Variants in GMDS observed in about 807,000 individuals in gnomAD.
The protein encoded by GMDS is GDP-mannose 4,6-dehydratase, also known as GDP-mannose 4,6 dehydratase.
Under a neutral mutation model 49.9 loss-of-function variants are expected in GMDS, and 20 were observed. The observed-to-expected ratio is 0.40, with a 90% confidence interval of 0.28 to 0.58. GMDS has a LOEUF of 0.58. GMDS is among the 20% of genes least tolerant of loss of function. GMDS has a pLI of 0.42. For missense variants in GMDS, 362 were observed against 481.4 expected (o/e 0.75, Z 2.32); for synonymous variants, 177 against 178.6 (o/e 0.99, Z 0.07).
rs535979485 is a variant in GMDS at position 1,784,817 on chromosome 6, C to G, written c.772-42231G>C. Among the ~76,000 whole-genome samples, 14 of 152,364 alleles carry G rather than the reference C, an allele frequency of 9.2e-5. 1 individual carries two copies. The South Asian group carries it at 2.7e-3, about 29-fold the overall frequency. On this transcript the variant is annotated intron_variant, in intron 7 of 10. Coordinates refer to ENST00000380815, the MANE Select transcript of GMDS (RefSeq NM_001500.4). Reference sequence around the variant, plus strand: ...TTCCTTTGCTTATGTGTAAAGTGCACTGATGTCATTCTCCAAGCTACAACT... The same window carrying G: ...TTCCTTTGCTTATGTGTAAAGTGCAGTGATGTCATTCTCCAAGCTACAACT...
intron 7 of GMDS, among the ~76,000 whole-genome samples, chr6:1,862,912 T>G (rs1758261104): frequency 6.6e-6 from 1 of 152,176 alleles, no homozygotes; most frequent in South Asian, 2.1e-4. Flanking sequence ...ACATACAACT[T>G]ATACAAAACA....
intron 4 of GMDS, among the ~76,000 whole-genome samples, chr6:2,067,274 G>C (rs1771667007): frequency 6.6e-6 from 1 of 152,082 alleles, no homozygotes; most frequent in African/African-American, 2.4e-5. Context: ...AGTATGTAGA[G>C]GGAAATTTAT....
intron 7 of GMDS, among the ~76,000 whole-genome samples, chr6:1,803,391 T>G (rs1770028529): frequency 6.6e-6 from 1 of 152,122 alleles, no homozygotes; most frequent in Non-Finnish European, 1.5e-5. Context: ...ACCACAATTT[T>G]TTTTTTCTTT....
At chr6:1,937,745 A>C (rs2127255275) in intron 6 of GMDS, among the ~76,000 whole-genome samples, 1 of 152,334 alleles carries the variant, frequency 6.6e-6, no homozygotes, top group African/African-American at 2.4e-5. Context: ...TGATCCCTTC[A>C]TCTCAAGATC....
In GMDS at chr6:1,640,580, G is replaced by C. The variant is rs934546012; in HGVS notation, c.988-16040C>G. Among the ~76,000 whole-genome samples, 1 of 152,170 alleles carries C rather than the reference G, an allele frequency of 6.6e-6. No homozygotes were observed. The highest frequency in any genetic ancestry group is 2.4e-5 in the African/African-American group (1 of 41,436). ...ATGTGGCTGTGCCTTCTAGGTGCCCGTTTTGGAGAGAATACATTTCTTATA... is the reference window on the plus strand; with the variant it reads ...ATGTGGCTGTGCCTTCTAGGTGCCCCTTTTGGAGAGAATACATTTCTTATA... On this transcript the variant is annotated intron_variant, in intron 9 of 10. Transcript: ENST00000380815. This position sits in a 1 kb window ranked among gnomAD's most constrained non-coding sequence, Gnocchi z 4.0.
intron 7 of GMDS, among the ~76,000 whole-genome samples, chr6:1,904,409 T>C (rs1482147862): frequency 6.6e-6 from 1 of 152,228 alleles, no homozygotes; most frequent in Non-Finnish European, 1.5e-5. Flanking sequence ...CCAGGAGGAC[T>C]GCCCCCTCCT....
intron 4 of GMDS, among the ~76,000 whole-genome samples, chr6:2,076,824 G>A (rs1468432717): frequency 6.6e-6 from 1 of 152,104 alleles, no homozygotes; most frequent in Non-Finnish European, 1.5e-5. Context: ...GAAAACCTAG[G>A]CAATACCATT....
At chr6:2,221,555 A>G (rs1339318561) in intron 1 of GMDS, among the ~76,000 whole-genome samples, 1 of 152,018 alleles carries the variant, frequency 6.6e-6, no homozygotes, top group Non-Finnish European at 1.5e-5. Context: ...CGACCGGCTA[A>G]TTTTTTGTAT....
At chr6:1,631,550 T>C (rs957834844) in intron 9 of GMDS, among the ~76,000 whole-genome samples, 2 of 152,148 alleles carry the variant, frequency 1.3e-5, no homozygotes, top group Non-Finnish European at 2.9e-5. Flanking sequence ...CAGTACAATG[T>C]AGATGGGGTT....
intron 1 of GMDS, among the ~76,000 whole-genome samples, chr6:2,153,127 G>T (rs940246036): frequency 1.3e-5 from 2 of 152,146 alleles, no homozygotes; most frequent in African/African-American, 2.4e-5. Flanking sequence ...AATAAATTAT[G>T]CTTGGAAACA....
chr6:1,832,470 T>C (rs1457347903), intron 7 of GMDS, among the ~76,000 whole-genome samples: 2 of 152,092 alleles, frequency 1.3e-5, no homozygotes, highest in East Asian at 3.9e-4. Context: ...ACTGGAGTGA[T>C]GGCTTTTATT....
chr6:1,893,627 T>C (rs1398543180), intron 7 of GMDS, among the ~76,000 whole-genome samples: 1 of 152,214 alleles, frequency 6.6e-6, no homozygotes, highest in Non-Finnish European at 1.5e-5. Flanking sequence ...GCTGAAGTCA[T>C]TTCCAGAGCT....
At chr6:1,716,888 C>T (rs1235540636) in intron 9 of GMDS, among the ~76,000 whole-genome samples, 1 of 152,238 alleles carries the variant, frequency 6.6e-6, no homozygotes, top group Non-Finnish European at 1.5e-5. Flanking sequence ...TCAAGTACGA[C>T]CTGTCCTCAT....
chr6:1,954,473 A>G (rs1161540141), intron 6 of GMDS, among the ~76,000 whole-genome samples: 3 of 152,254 alleles, frequency 2.0e-5, no homozygotes, highest in Non-Finnish European at 1.5e-5. Context: ...GTGTAACAGC[A>G]TTTACCCGCA....
chr6:2,159,500 A>T, intron 1 of GMDS, among the ~76,000 whole-genome samples: 1 of 147,942 alleles, frequency 6.8e-6, no homozygotes. Context: ...AATTTTTTCA[A>T]TATTTCTTTT....
intron 7 of GMDS, among the ~76,000 whole-genome samples, chr6:1,915,377 G>A (rs962861510): frequency 1.3e-5 from 2 of 152,174 alleles, no homozygotes; most frequent in Non-Finnish European, 2.9e-5. Context: ...CCCCTGAGGA[G>A]GGCATCTGCA....
chr6:2,165,503 C>T (rs1047299031), intron 1 of GMDS, among the ~76,000 whole-genome samples: 1 of 152,198 alleles, frequency 6.6e-6, no homozygotes, highest in African/African-American at 2.4e-5. Flanking sequence ...GGATGGGGCC[C>T]ACCCACATTA....
At chr6:1,624,433 G>T in intron 10 of GMDS, 39 bp downstream of exon 10, 2 of 1,568,228 alleles carry the variant, frequency 1.3e-6, no homozygotes, top group Non-Finnish European at 1.8e-6. Context: ...GCAGCCCGGG[G>T]CCCCGCAGCG....
In GMDS at chr6:1,827,567, G is replaced by A. The variant is rs556330126; in HGVS notation, c.772-84981C>T. ...ACGTTTTACATAAGCTTTAGTAAAA[G>A]ATAAGGCTTTGATATCATTATTTCA... On this transcript the variant is annotated intron_variant, in intron 7 of 10. Transcript: ENST00000380815. 9.2e-5 allele frequency among the ~76,000 whole-genome samples: 14 copies of A among 152,266 alleles called. No homozygotes were observed. The East Asian group carries it at 2.7e-3, about 29-fold the overall frequency.
Sources: gnomAD v4.1 joint callset for allele counts (sites outside exome capture counted in the v4.1 genomes callset) on GRCh38, gnomAD v4.1.1 for gene constraint, Gnocchi (gnomAD v3.1) non-coding constraint, MANE v1.5 for transcripts, NCBI Gene and HGNC (gene_info 2026-07-23, HGNC 2026-07-21) for gene names.